The following LRCH1 variants were observed in gnomAD, a reference collection of about 807,000 sequenced individuals.
LRCH1 encodes the protein leucine-rich repeat and calponin homology domain-containing protein 1.
Under a neutral mutation model 94.9 loss-of-function variants are expected in LRCH1, and 23 were observed. The ratio of observed to expected loss-of-function variants is 0.24; its 90% CI spans 0.17 to 0.34. The LOEUF (loss-of-function observed/expected upper bound fraction) is 0.34. Ranked by LOEUF, LRCH1 falls within the 10% of genes least tolerant of loss-of-function variation. The probability of loss-of-function intolerance (pLI) is 1.00; values close to 1 mark genes in which losing one functional copy is unlikely to be tolerated. For synonymous variants in LRCH1, 364 were observed against 354.9 expected (o/e 1.03, Z -0.29); for missense variants, 790 against 945.9 (o/e 0.84, Z 2.16).
chr13:46,585,552 C>CAAAAAA (rs35651253), intron 1 of LRCH1, among the ~76,000 whole-genome samples: 2 of 82,110 alleles, frequency 2.4e-5, no homozygotes, highest in Non-Finnish European at 2.7e-5. Context: ...GACTGCATCT[C>CAAAAAA]AAAAAAAAAA....
At chr13:46,595,913 T>C (rs1594272336) in intron 1 of LRCH1, among the ~76,000 whole-genome samples, 1 of 147,194 alleles carries the variant, frequency 6.8e-6, no homozygotes, top group East Asian at 2.0e-4. Flanking sequence ...ATGTTAAAGG[T>C]AGAGGAAGTA....
chr13:46,646,636 G>A (rs1281739519), intron 1 of LRCH1, among the ~76,000 whole-genome samples: 1 of 151,958 alleles, frequency 6.6e-6, no homozygotes, highest in African/African-American at 2.4e-5. Context: ...CATTTTTATG[G>A]CTGCATAGTA....
chr13:46,700,736 G>A (rs1286537453), intron 10 of LRCH1, among the ~76,000 whole-genome samples: 2 of 152,154 alleles, frequency 1.3e-5, no homozygotes, highest in African/African-American at 2.4e-5. Context: ...CTGGTTGAAC[G>A]GGAGTTGGAA....
chr13:46,693,089 A>C (rs1428797686), intron 8 of LRCH1, among the ~76,000 whole-genome samples: 1 of 150,470 alleles, frequency 6.6e-6, no homozygotes, highest in African/African-American at 2.5e-5. Context: ...CTCCTGCCTC[A>C]GCCTCCCGAG....
intron 1 of LRCH1, among the ~76,000 whole-genome samples, chr13:46,599,258 G>A (rs2050600257): frequency 6.6e-6 from 1 of 152,102 alleles, no homozygotes; most frequent in South Asian, 2.1e-4. Flanking sequence ...TGAACATTTG[G>A]GTTGCTTCCA....
chr13:46,703,028 T>G (rs184755174), intron 11 of LRCH1, among the ~76,000 whole-genome samples: 42 of 152,312 alleles, frequency 2.8e-4, no homozygotes, highest in Non-Finnish European at 4.4e-5. Flanking sequence ...TAATTCTCCC[T>G]TATGTTTGGC....
At chr13:46,728,415 C>T (rs1050671375) in intron 17 of LRCH1, among the ~76,000 whole-genome samples, 2 of 152,018 alleles carry the variant, frequency 1.3e-5, no homozygotes, top group African/African-American at 4.8e-5. Flanking sequence ...AGGGTTTCAC[C>T]ATGTTGGCCA....
rs529689902 is a variant in LRCH1 at position 46,663,901 on chromosome 13, C to T, written c.453-5129C>T. On this transcript the variant is annotated intron_variant, in intron 2 of 19. Transcript: ENST00000389797. ...AGTTTTGTGATGGTTAATGACTTTA[C>T]ATCATTATTTCCATTACTATTTGAA... is the stretch of plus-strand genomic sequence containing the variant. Among the ~76,000 whole-genome samples the T allele has an allele frequency of 2.0e-5, 3 of 152,278 alleles. No homozygotes were observed. In the South Asian group the frequency reaches 6.2e-4, roughly 32 times the overall value.
At chr13:46,684,725 T>C (rs1870518654) in intron 4 of LRCH1, among the ~76,000 whole-genome samples, 1 of 152,152 alleles carries the variant, frequency 6.6e-6, no homozygotes. Context: ...CCTCCAGGAT[T>C]AGTGTGGCCT....
At chr13:46,636,024 C>T (rs9316218) in intron 1 of LRCH1, among the ~76,000 whole-genome samples, 89,112 of 145,152 alleles carry the variant, frequency 0.61, 27,107 homozygotes, top group South Asian at 0.67. Flanking sequence ...TTTGGTAAGA[C>T]ATATACAACA....
intron 1 of LRCH1, among the ~76,000 whole-genome samples, chr13:46,571,290 T>C (rs568083355): frequency 6.6e-6 from 1 of 152,350 alleles, no homozygotes; most frequent in Admixed American, 6.5e-5. Context: ...CCTTGGAATA[T>C]GTCCTCCACT....
chr13:46,742,515 C>T lies in LRCH1; in HGVS notation c.*667C>T. The T allele has an allele frequency of 1.0e-6, 1 of 985,172 alleles. No homozygotes were observed. Among genetic ancestry groups the T allele is most frequent in the Non-Finnish European group, 1.2e-6 (1 of 829,678 alleles). 61.0% of individuals were successfully genotyped at this position (985,172 alleles called of 1,614,324 possible). On this transcript the variant is annotated 3_prime_UTR_variant, in exon 20 of 20. Transcript: ENST00000389797. ...TTCCACCCCGGCAAGCCCCTCTGTC[C>T]TATGCAGAAGGGCGCTCAAGGGAAG...
chr13:46,682,706 T>C (rs889064428), intron 4 of LRCH1, among the ~76,000 whole-genome samples: 1 of 152,140 alleles, frequency 6.6e-6, no homozygotes, highest in African/African-American at 2.4e-5. Flanking sequence ...CTGGTGGTCT[T>C]GGTAAGTTTC....
At chr13:46,637,384 A>T (rs1354071762) in intron 1 of LRCH1, among the ~76,000 whole-genome samples, 1 of 152,210 alleles carries the variant, frequency 6.6e-6, no homozygotes, top group Non-Finnish European at 1.5e-5. Flanking sequence ...CAAGCCCTCC[A>T]GTGGCCAGGA....
intron 1 of LRCH1, among the ~76,000 whole-genome samples, chr13:46,611,493 T>C: frequency 6.6e-6 from 1 of 152,174 alleles, no homozygotes; most frequent in East Asian, 1.9e-4. Flanking sequence ...GACAGAATAA[T>C]GGAATTGTAA....
chr13:46,716,902 G>GT (rs11311931), intron 16 of LRCH1, among the ~76,000 whole-genome samples: 40 of 149,282 alleles, frequency 2.7e-4, no homozygotes, highest in Admixed American at 4.7e-4. Flanking sequence ...CTTTACTTAA[G>GT]TTTTTTTTTT....
chr13:46,680,886 G>GA (rs1440237056), intron 3 of LRCH1, among the ~76,000 whole-genome samples: 3 of 152,208 alleles, frequency 2.0e-5, no homozygotes, highest in African/African-American at 7.2e-5. Flanking sequence ...CCAGTCAGGA[G>GA]ATCATGATAG....
At chr13:46,571,388 A>G (rs1238028363) in intron 1 of LRCH1, among the ~76,000 whole-genome samples, 2 of 152,218 alleles carry the variant, frequency 1.3e-5, no homozygotes, top group Non-Finnish European at 2.9e-5. Context: ...GCACATTAGC[A>G]TGAGTGCCAG....
chr13:46,744,597 T>A lies in LRCH1; in HGVS notation c.*2749T>A. 2 of 985,378 alleles carry A rather than the reference T, an allele frequency of 2.0e-6. No individual in the cohort carries two copies. The highest frequency in any genetic ancestry group is 2.4e-6 in the Non-Finnish European group (2 of 829,928). The allele number at this position is 985,378 out of a possible 1,614,324, so 61.0% of individuals were successfully genotyped here. A position where few individuals can be genotyped will look rare whatever the true frequency, so the allele number is the denominator to read the frequency against. On this transcript the variant is annotated 3_prime_UTR_variant, in exon 20 of 20. Coordinates refer to ENST00000389797, the MANE Select transcript of LRCH1 (RefSeq NM_001164211.2). The stretch of plus-strand genomic sequence containing the variant: ...AATTTCATCAATGAGAGTAGATAAA[T>A]AAAGGCACTTGATAGCCTGCTGCTA...
Sources: gnomAD v4.1 joint callset for allele counts (sites outside exome capture counted in the v4.1 genomes callset) on GRCh38, gnomAD v4.1.1 for gene constraint, MANE v1.5 for transcripts, NCBI Gene and HGNC (gene_info 2026-07-23, HGNC 2026-07-21) for gene names.